RPGRIP1: variants seen among roughly 807,000 people sequenced by gnomAD.
RPGRIP1 encodes the protein X-linked retinitis pigmentosa GTPase regulator-interacting protein 1.
In RPGRIP1, 128 loss-of-function variants were observed where a neutral mutation model predicts 157.9. The ratio of observed to expected loss-of-function variants is 0.81; its 90% CI spans 0.70 to 0.94. RPGRIP1 has a LOEUF of 0.94. Ranked by LOEUF, RPGRIP1 falls within the 40% of genes least tolerant of loss-of-function variation. The pLI, the probability that RPGRIP1 is intolerant of heterozygous loss-of-function variation, is 0.00. For synonymous variants in RPGRIP1, 554 were observed against 571.6 expected (o/e 0.97, Z 0.44); for missense variants, 1,486 against 1,545.8 (o/e 0.96, Z 0.65).
chr14:21,337,303 A>T (rs1884464766), intron 21 of RPGRIP1, among the ~76,000 whole-genome samples: 1 of 152,116 alleles, frequency 6.6e-6, no homozygotes. Flanking sequence ...TACCCATCTG[A>T]TACTGATGTG....
intron 2 of RPGRIP1, among the ~76,000 whole-genome samples, chr14:21,293,827 C>T (rs1288216713): frequency 4.6e-5 from 7 of 151,664 alleles, no homozygotes; most frequent in East Asian, 1.9e-4. Context: ...TGCAGTGAGC[C>T]GAGATGGCGC....
At chr14:21,312,114 C>A in intron 9 of RPGRIP1, 144 bp downstream of exon 9, 1 of 774,812 alleles carries the variant, frequency 1.3e-6, no homozygotes, top group South Asian at 1.6e-5. Flanking sequence ...CTTAAGATTA[C>A]ACCATTAGAG....
intron 3 of RPGRIP1, among the ~76,000 whole-genome samples, chr14:21,299,744 TAGTC>T (rs1265114582): frequency 6.6e-6 from 1 of 152,214 alleles, no homozygotes; most frequent in Non-Finnish European, 1.5e-5. Context: ...CAGTGTGTCT[TAGTC>T]AGCTCAGGAT....
chr14:21,325,776 C>A, intron 16 of RPGRIP1, 55 bp from the exon 17 acceptor site: 4 of 1,335,154 alleles, frequency 3.0e-6, no homozygotes, highest in Non-Finnish European at 4.2e-6. Context: ...CTAGGCTTCA[C>A]CTACAACAGT....
chr14:21,317,096 G>A (rs975124979), intron 10 of RPGRIP1, among the ~76,000 whole-genome samples: 7 of 151,658 alleles, frequency 4.6e-5, no homozygotes, highest in Non-Finnish European at 7.4e-5. Flanking sequence ...CTCCAACCTG[G>A]GTGACAGCTC....
chr14:21,301,067 C>A lies in RPGRIP1; in HGVS notation c.320C>A (p.Ala107Glu). Reference protein sequence around the residue: ...LSETARRGQKAGWRQRLSMHQ... With the variant: ...LSETARRGQKEGWRQRLSMHQ... Reference sequence around the variant, plus strand: ...GAGACCGCAAGGCGCGGGCAGAAGGCGGGATGGCGGCAGCGCCTCTCCATG... The same window carrying A: ...GAGACCGCAAGGCGCGGGCAGAAGGAGGGATGGCGGCAGCGCCTCTCCATG... The change falls in exon 4 of 25, where the codon GCG becomes GAG. Residue 107 changes from alanine to glutamate, a missense_variant. Physicochemically the swap from Ala to Glu is moderately radical, Grantham distance 107. Transcript: ENST00000400017. 2 of 1,612,656 alleles carry A rather than the reference C, an allele frequency of 1.2e-6. No homozygotes were observed. The highest frequency in any genetic ancestry group is 1.7e-6 in the Non-Finnish European group (2 of 1,179,442).
intron 7 of RPGRIP1, among the ~76,000 whole-genome samples, chr14:21,308,052 A>C (rs1881391645): frequency 6.6e-6 from 1 of 152,234 alleles, no homozygotes; most frequent in Admixed American, 6.5e-5. Context: ...ATTAAGAGGA[A>C]GGCTCAAGCT....
At chr14:21,286,468 T>G (rs1324531200) in intron 1 of RPGRIP1, among the ~76,000 whole-genome samples, 1 of 149,516 alleles carries the variant, frequency 6.7e-6, no homozygotes. Context: ...GAATTTGAGA[T>G]ATCTAGTAGC....
intron 3 of RPGRIP1, among the ~76,000 whole-genome samples, chr14:21,296,571 A>G (rs545839669): frequency 2.0e-5 from 3 of 151,744 alleles, no homozygotes; most frequent in Admixed American, 1.3e-4. Flanking sequence ...GGCTGGTCTC[A>G]AACTCCTGAC....
intron 20 of RPGRIP1, among the ~76,000 whole-genome samples, chr14:21,332,464 C>G (rs1053976687): frequency 1.3e-5 from 2 of 152,120 alleles, no homozygotes; most frequent in African/African-American, 4.8e-5. Flanking sequence ...TATAAGAGAA[C>G]AATTCCATTC....
intron 5 of RPGRIP1, 29 bp from the exon 6 acceptor site, chr14:21,303,300 AAC>A (rs1211339400): frequency 1.3e-6 from 2 of 1,529,298 alleles, no homozygotes; most frequent in Admixed American, 3.7e-5. Flanking sequence ...CTCCTGTAAC[AAC>A]AGTTTCTAAG....
chr14:21,321,857 G>A lies in RPGRIP1; in HGVS notation c.1615G>A (p.Glu539Lys), dbSNP rs755232354. 1.2e-6 allele frequency: 2 copies of A among 1,611,160 alleles called. No homozygotes were observed. Among genetic ancestry groups the A allele is most frequent in the African/African-American group, 1.3e-5 (1 of 74,752 alleles). ...QRKINVCYQE[E>K]LEAMMTKADN... is the part of the protein sequence containing the mutation. ...TTCAGACATTATTTTGTTTCAGGAG[G>A]AACTGGAGGCAATGATGACAAAAGC... The change falls in exon 14 of 25, where the codon GAA becomes AAA. Residue 539 changes from glutamate to lysine, a missense_variant. Physicochemically the swap from Glu to Lys is moderately conservative, Grantham distance 56. Transcript: ENST00000400017.
At chr14:21,287,100 GA>G (rs144403735) in intron 1 of RPGRIP1, among the ~76,000 whole-genome samples, 3,654 of 151,504 alleles carry the variant, frequency 0.024, 143 homozygotes, top group African/African-American at 0.084. Flanking sequence ...AGAAAGAGAT[GA>G]AAAAAAGAGA....
rs187105645 is a variant in RPGRIP1 at position 21,324,584 on chromosome 14, C to T, written c.1763-34C>T. ...CTACCCTAAGAAAGAGCTCCCTACC[C>T]TTTAACGGATAGGCAGCTTTCTTTC... On this transcript the variant is annotated intron_variant, in intron 14 of 24. Transcript: ENST00000400017. 155 of 1,573,628 alleles carry T rather than the reference C, an allele frequency of 9.8e-5. No homozygotes were observed. In the African/African-American group the frequency reaches 2.0e-3, roughly 20 times the overall value.
Position 21,343,866 on chromosome 14 carries a change from G to GTTTTTTTTTTTTTTTTTTTTTTTTT in RPGRIP1, c.3532+655_3532+679dup, listed in dbSNP as rs67535379. 1.2e-4 allele frequency among the ~76,000 whole-genome samples: 6 copies of GTTTTTTTTTTTTTTTTTTTTTTTTT among 50,440 alleles called. 1 individual carries two copies. Among genetic ancestry groups the GTTTTTTTTTTTTTTTTTTTTTTTTT allele is most frequent in the Middle Eastern group, 8.2e-3 (1 of 122 alleles). The allele number at this position is 50,440 out of a possible 152,430, so 33.1% of individuals were successfully genotyped here. On this transcript the variant is annotated intron_variant, in intron 22 of 24. Transcript: ENST00000400017. ...TGATTTTTGTTCTTCCTCTTTTCCT[G>GTTTTTTTTTTTTTTTTTTTTTTTTT]TTTTTTTTTTTTTTTTTTTTTTTTT... is the stretch of plus-strand genomic sequence containing the variant.
At chr14:21,312,342 C>T in intron 9 of RPGRIP1, 91 bp from the exon 10 acceptor site, 1 of 801,412 alleles carries the variant, frequency 1.2e-6, no homozygotes, top group Non-Finnish European at 2.0e-6. Context: ...GAAAGCCTCT[C>T]ACCCACGCCC....
chr14:21,333,521 A>G (rs1260789314), intron 20 of RPGRIP1, among the ~76,000 whole-genome samples: 1 of 152,032 alleles, frequency 6.6e-6, no homozygotes, highest in South Asian at 2.1e-4. Flanking sequence ...TTGGCTCACT[A>G]CTCGGCATGT....
chr14:21,322,131 C>A, intron 14 of RPGRIP1, 127 bp downstream of exon 14: 1 of 706,898 alleles, frequency 1.4e-6, no homozygotes, highest in East Asian at 3.0e-5. Context: ...CCTTCTTGTT[C>A]TTTATCCTAT....
At chr14:21,301,373 C>G in intron 4 of RPGRIP1, 136 bp downstream of exon 4, 3 of 953,458 alleles carry the variant, frequency 3.1e-6, no homozygotes, top group Non-Finnish European at 4.7e-6. Context: ...CTTTCTGCCT[C>G]CCTAAAATCT....
Sources: gnomAD v4.1 joint callset for allele counts (sites outside exome capture counted in the v4.1 genomes callset) on GRCh38, gnomAD v4.1.1 for gene constraint, MANE v1.5 for transcripts, NCBI Gene and HGNC (gene_info 2026-07-23, HGNC 2026-07-21) for gene names.